Variants in ADARB2 observed in about 807,000 individuals in gnomAD.
The protein encoded by ADARB2 is adenosine deaminase RNA specific B2 (inactive).
ADARB2 carries 25 observed loss-of-function variants against 62.2 expected under a neutral mutation model. The ratio of observed to expected loss-of-function variants is 0.40; its 90% confidence interval spans 0.29 to 0.56. The LOEUF is 0.56. Among genes scored for constraint, ADARB2 ranks in the 20% least tolerant of loss-of-function variants. The pLI is 0.43. For synonymous variants in ADARB2, 572 were observed against 500.8 expected (o/e 1.14, Z -1.90); for missense variants, 1,071 against 1,077.4 (o/e 0.99, Z 0.08).
chr10:1,708,497 A>G (rs1246873357), intron 1 of ADARB2, among the ~76,000 whole-genome samples: 2 of 152,228 alleles, frequency 1.3e-5, no homozygotes, highest in African/African-American at 4.8e-5. Flanking sequence ...TCTTTCAGCC[A>G]GGGTCTGTGC....
intron 1 of ADARB2, among the ~76,000 whole-genome samples, chr10:1,672,336 C>T (rs947968207): frequency 6.6e-6 from 1 of 152,188 alleles, no homozygotes; most frequent in African/African-American, 2.4e-5. Context: ...TAAACTTAAA[C>T]ACCACGCGGG....
intron 3 of ADARB2, among the ~76,000 whole-genome samples, chr10:1,360,092 C>T (rs1268484008): frequency 1.3e-5 from 2 of 152,266 alleles, no homozygotes; most frequent in Non-Finnish European, 2.9e-5. Flanking sequence ...GTTTTGTGGT[C>T]CTGCACGTGG....
intron 1 of ADARB2, among the ~76,000 whole-genome samples, chr10:1,647,776 G>A (rs1038946324): frequency 6.6e-6 from 1 of 150,722 alleles, no homozygotes; most frequent in African/African-American, 2.4e-5. Context: ...TGTGTGGTGT[G>A]TGTATATATG....
intron 7 of ADARB2, among the ~76,000 whole-genome samples, chr10:1,206,929 G>A (rs747473342): frequency 2.0e-5 from 3 of 152,238 alleles, no homozygotes; most frequent in East Asian, 3.8e-4. Context: ...GGCCGAGGTC[G>A]GTGGTGCTGG....
intron 1 of ADARB2, among the ~76,000 whole-genome samples, chr10:1,577,049 C>G (rs1245702128): frequency 1.3e-5 from 2 of 152,176 alleles, no homozygotes; most frequent in Non-Finnish European, 2.9e-5. Flanking sequence ...GCTGATTGAA[C>G]AGATTCAGTG....
chr10:1,668,376 C>A (rs1355438717), intron 1 of ADARB2, among the ~76,000 whole-genome samples: 1 of 152,198 alleles, frequency 6.6e-6, no homozygotes, highest in East Asian at 1.9e-4. Context: ...ACTTCTCAAA[C>A]TTTAGGCACT....
intron 1 of ADARB2, among the ~76,000 whole-genome samples, chr10:1,717,233 G>A (rs1261698004): frequency 7.4e-6 from 1 of 135,550 alleles, no homozygotes; most frequent in Non-Finnish European, 1.5e-5. Context: ...ATTGGCCCAT[G>A]TATTTCTCAA....
intron 1 of ADARB2, among the ~76,000 whole-genome samples, chr10:1,544,098 C>T (rs544404803): frequency 6.6e-6 from 1 of 152,126 alleles, no homozygotes; most frequent in East Asian, 1.9e-4. Context: ...TTTTCCTGAC[C>T]GTGGAGTAGA....
intron 1 of ADARB2, among the ~76,000 whole-genome samples, chr10:1,597,985 C>T (rs1288789172): frequency 6.6e-6 from 1 of 152,232 alleles, no homozygotes; most frequent in Non-Finnish European, 1.5e-5. Flanking sequence ...ATGGATAGAG[C>T]TGGAGACCAT....
rs1321591637 is a variant in ADARB2 at position 1,326,980 on chromosome 10, C to T, written c.1077+36048G>A. On this transcript the variant is annotated intron_variant, in intron 3 of 9. Transcript: ENST00000381312. ...CGCCTCCCCACGGCCCAGCGCCTCCCCACGGCCCAGCGCCTCCCCACTGCC... is the reference window on the plus strand; with the variant it reads ...CGCCTCCCCACGGCCCAGCGCCTCCTCACGGCCCAGCGCCTCCCCACTGCC... Among the ~76,000 whole-genome samples, 6 of 51,552 alleles carry T rather than the reference C, an allele frequency of 1.2e-4. 1 individual carries two copies. The highest frequency in any genetic ancestry group is 1.4e-4 in the Non-Finnish European group (3 of 21,900). The allele number at this position is 51,552 out of a possible 152,430, so 33.8% of individuals were successfully genotyped here.
intron 8 of ADARB2, among the ~76,000 whole-genome samples, chr10:1,194,974 T>A (rs537854391): frequency 2.6e-5 from 4 of 152,348 alleles, no homozygotes; most frequent in Non-Finnish European, 5.9e-5. Flanking sequence ...TTTGATCTAA[T>A]GAGTAAGAGG....
chr10:1,458,621 G>A (rs372289150), intron 1 of ADARB2, among the ~76,000 whole-genome samples: 4 of 152,024 alleles, frequency 2.6e-5, no homozygotes, highest in Non-Finnish European at 2.9e-5. Context: ...GGCTTCCACG[G>A]TGCCCTCTGG....
chr10:1,468,937 A>G (rs1358367273), intron 1 of ADARB2, among the ~76,000 whole-genome samples: 2 of 152,204 alleles, frequency 1.3e-5, no homozygotes, highest in Non-Finnish European at 2.9e-5. Flanking sequence ...ACATGAGAAC[A>G]CTGCAGCTTA....
At chr10:1,395,012 T>C (rs1032803129) in intron 1 of ADARB2, 7 of 453,658 alleles carry the variant, frequency 1.5e-5, no homozygotes, top group Non-Finnish European at 2.2e-5. Flanking sequence ...CTCGAACTCC[T>C]GGGCTCAGTT....
chr10:1,323,384 A>C lies in ADARB2; in HGVS notation c.1077+39644T>G, dbSNP rs543326518. ...AGATTGGAAGACTGAAATAGAAGAA[A>C]TGTCAATTATTCCAAAATTGACCTA... On this transcript the variant is annotated intron_variant, in intron 3 of 9. Coordinates refer to ENST00000381312, the MANE Select transcript of ADARB2 (RefSeq NM_018702.4). Among the ~76,000 whole-genome samples the C allele has an allele frequency of 2.9e-3, 435 of 152,314 alleles. 4 individuals carry two copies. The highest frequency in any genetic ancestry group is 0.01 in the African/African-American group (420 of 41,568).
intron 2 of ADARB2, among the ~76,000 whole-genome samples, chr10:1,374,312 G>A (rs1366564768): frequency 6.6e-6 from 1 of 152,184 alleles, no homozygotes; most frequent in African/African-American, 2.4e-5. Flanking sequence ...ATCTGCATGG[G>A]AAAATGCAAA....
At chr10:1,243,815 G>A (rs1830950963) in intron 4 of ADARB2, among the ~76,000 whole-genome samples, 3 of 152,094 alleles carry the variant, frequency 2.0e-5, no homozygotes, top group Non-Finnish European at 4.4e-5. Context: ...TGCTCTCTCC[G>A]CTCATCCCAG....
chr10:1,567,260 C>T (rs140928813), intron 1 of ADARB2, among the ~76,000 whole-genome samples: 17 of 152,170 alleles, frequency 1.1e-4, no homozygotes, highest in East Asian at 3.9e-4. Context: ...AAAACCTGCC[C>T]GTCCACTTCA....
At chr10:1,354,495 C>A (rs1832175126) in intron 3 of ADARB2, among the ~76,000 whole-genome samples, 1 of 152,234 alleles carries the variant, frequency 6.6e-6, no homozygotes, top group Non-Finnish European at 1.5e-5. Context: ...CTCAGCCCAC[C>A]TGCACCCAGG....
Sources: allele counts gnomAD v4.1 joint callset (sites outside exome capture counted in the v4.1 genomes callset), GRCh38; gene constraint gnomAD v4.1.1; transcripts MANE v1.5; gene names NCBI Gene and HGNC (gene_info 2026-07-23, HGNC 2026-07-21).